KIF1A: variants seen among roughly 807,000 people sequenced by gnomAD.
The protein encoded by KIF1A is kinesin-like protein KIF1A.
Under a neutral mutation model 227.3 loss-of-function variants are expected in KIF1A, and 46 were observed. The observed-to-expected ratio is 0.20, with a 90% confidence interval of 0.16 to 0.26. KIF1A has a LOEUF of 0.26. KIF1A is among the 10% of genes least tolerant of loss of function. The pLI is 1.00. For synonymous variants in KIF1A, 1,022 were observed against 1,012.8 expected, an observed-to-expected ratio of 1.01 and a Z score of -0.17; for missense variants, 1,683 against 2,485.9, an observed-to-expected ratio of 0.68 and a Z score of 6.87.
At chr2:240,808,236 A>G (rs975847508) in intron 1 of KIF1A, among the ~76,000 whole-genome samples, 1 of 152,166 alleles carries the variant, frequency 6.6e-6, no homozygotes, top group African/African-American at 2.4e-5. Context: ...CCATTTGCTC[A>G]TCTACACATA....
intron 2 of KIF1A, among the ~76,000 whole-genome samples, chr2:240,794,169 T>C (rs929463456): frequency 4.6e-5 from 7 of 152,168 alleles, no homozygotes; most frequent in African/African-American, 1.7e-4. Context: ...CCTTCCTCCG[T>C]CAGGCTTCCC....
Position 240,802,735 on chromosome 2 carries a change from A to C in KIF1A, c.-60-4923T>G, listed in dbSNP as rs553487848. ...CAGCCTTTACCTCCTAGGCTTAAGC[A>C]ATCCTCCTGCCTCAGCTTCTTGAGG... On this transcript the variant is annotated intron_variant, in intron 1 of 48. Transcript: ENST00000498729. 1.6e-4 allele frequency among the ~76,000 whole-genome samples: 24 copies of C among 152,324 alleles called. 1 individual carries two copies. The South Asian group carries it at 5.0e-3, about 32-fold the overall frequency.
chr2:240,745,106 C>T (rs2048430248), intron 32 of KIF1A, among the ~76,000 whole-genome samples: 1 of 152,138 alleles, frequency 6.6e-6, no homozygotes. Context: ...CAAGCCAGGG[C>T]TGCCCTGGCT....
chr2:240,780,903 T>C (rs1335861388), intron 10 of KIF1A, among the ~76,000 whole-genome samples: 9 of 16,060 alleles, frequency 5.6e-4, no homozygotes, highest in Admixed American at 2.6e-3. Flanking sequence ...CACACACAGC[T>C]CCACACACAC....
intron 1 of KIF1A, among the ~76,000 whole-genome samples, chr2:240,818,042 G>T (rs2058453786): frequency 6.6e-6 from 1 of 152,214 alleles, no homozygotes. Flanking sequence ...TTCCAGTGGG[G>T]AAGGGGGAAA....
At chr2:240,738,649 T>C (rs1284219949) in intron 37 of KIF1A, among the ~76,000 whole-genome samples, 1 of 152,204 alleles carries the variant, frequency 6.6e-6, no homozygotes, top group Non-Finnish European at 1.5e-5. Context: ...GCATTGGGGT[T>C]CATACCATAT....
In KIF1A at chr2:240,769,195, C is replaced by T; in HGVS notation, c.1435G>A (p.Ala479Thr). The change falls in exon 17 of 49, where the codon GCC becomes ACC. Residue 479 changes from alanine to threonine, a missense_variant. This residue lies in a region of KIF1A where 217 missense variants were observed against 427.0 expected (regional missense o/e 0.51). Transcript: ENST00000498729. ...TCCCTCATGGCCACACCCATCTCGG[C>T]CAGCAGGGCTTCCCTGGGGGAACAG... ...AIRMEREALL[A>T]EMGVAMREDG... 1 of 1,609,914 alleles carries T rather than the reference C, an allele frequency of 6.2e-7. No homozygotes were observed. The highest frequency in any genetic ancestry group is 1.1e-5 in the South Asian group (1 of 90,096).
intron 45 of KIF1A, 84 bp from the exon 46 acceptor site, chr2:240,720,010 C>A (rs1219729706): frequency 6.9e-7 from 1 of 1,445,922 alleles, no homozygotes; most frequent in Non-Finnish European, 9.2e-7. Context: ...CTCCTCAGAG[C>A]ACCTCAGAAG....
intron 13 of KIF1A, 41 bp downstream of exon 13, chr2:240,773,073 C>T: frequency 2.6e-6 from 4 of 1,562,016 alleles, no homozygotes; most frequent in Middle Eastern, 3.4e-4. Context: ...GAGCCTGAGG[C>T]CCCACAACCC....
intron 44 of KIF1A, among the ~76,000 whole-genome samples, 192 bp from the exon 45 acceptor site, chr2:240,721,230 G>A (rs891245228): frequency 1.1e-4 from 17 of 152,172 alleles, no homozygotes; most frequent in South Asian, 6.2e-4. Context: ...GCCCCTGGCC[G>A]GCCCCTCCCA....
intron 23 of KIF1A, among the ~76,000 whole-genome samples, chr2:240,761,939 A>G (rs956403838): frequency 1.3e-5 from 2 of 151,926 alleles, no homozygotes; most frequent in Non-Finnish European, 2.9e-5. Flanking sequence ...TCTCTCCCCG[A>G]CCCATGCCCT....
chr2:240,816,149 AGT>A (rs71282124), intron 1 of KIF1A, among the ~76,000 whole-genome samples: 18,403 of 150,446 alleles, frequency 0.12, 1,392 homozygotes, highest in Non-Finnish European at 0.16. Context: ...AGGGATGCAG[AGT>A]GTGTGTGTGT....
At chr2:240,728,349 G>A in intron 38 of KIF1A, 1 of 1,257,432 alleles carries the variant, frequency 8.0e-7, no homozygotes, top group Non-Finnish European at 1.1e-6. Flanking sequence ...AGCAGAAGAG[G>A]ACAGACCAAG....
Position 240,800,454 on chromosome 2 carries a change from G to A in KIF1A, c.-60-2642C>T, listed in dbSNP as rs185876438. Among the ~76,000 whole-genome samples, 166 of 152,318 alleles carry A rather than the reference G, an allele frequency of 1.1e-3. 2 individuals are homozygous for A. Among genetic ancestry groups the A allele is most frequent in the Non-Finnish European group, 5.9e-5 (4 of 68,036 alleles). ...TGCAGCCACAAGCCAACATTCCAGA[G>A]GAGGGGCTGCCAAGACGGGAGCTGG... On this transcript the variant is annotated intron_variant, in intron 1 of 48. Transcript: ENST00000498729.
chr2:240,724,947 G>C (rs3755530), intron 40 of KIF1A: 14 of 185,426 alleles, frequency 7.6e-5, no homozygotes, highest in East Asian at 6.1e-4. Context: ...GGGGGGGGGG[G>C]GGGGAACGGT....
chr2:240,731,894 A>T (rs1249788922), intron 38 of KIF1A, among the ~76,000 whole-genome samples: 1 of 30,676 alleles, frequency 3.3e-5, no homozygotes, highest in Non-Finnish European at 6.5e-5. Context: ...TGAGGGGAGG[A>T]GGGGAGGAGG....
intron 17 of KIF1A, among the ~76,000 whole-genome samples, chr2:240,767,604 C>T (rs1489409255): frequency 6.6e-6 from 1 of 152,288 alleles, no homozygotes; most frequent in African/African-American, 2.4e-5. Context: ...GCACAGCAGC[C>T]CCAGCACTGC....
intron 45 of KIF1A, 74 bp downstream of exon 45, chr2:240,720,840 T>C (rs2045269584): frequency 3.4e-6 from 5 of 1,470,188 alleles, no homozygotes; most frequent in Non-Finnish European, 4.5e-6. Context: ...GTGCTCTCTG[T>C]GCCCGAGTCA....
chr2:240,722,404 G>A, intron 43 of KIF1A, 52 bp downstream of exon 43: 1 of 1,508,264 alleles, frequency 6.6e-7, no homozygotes. Flanking sequence ...AAATGACTCA[G>A]GGCCCTTGAG....
Sources: allele counts gnomAD v4.1 joint callset (sites outside exome capture counted in the v4.1 genomes callset), GRCh38; gene constraint gnomAD v4.1.1; regional missense constraint gnomAD v4.1.1; transcripts MANE v1.5; gene names NCBI Gene and HGNC (gene_info 2026-07-23, HGNC 2026-07-21).